Variants in SERINC5 observed in about 807,000 individuals in gnomAD.
SERINC5 encodes the protein chromosome 5 open reading frame 12.
In SERINC5, 41 loss-of-function variants were observed where a neutral mutation model predicts 63.1. The observed-to-expected ratio is 0.65, with a 90% CI of 0.51 to 0.84. The LOEUF (loss-of-function observed/expected upper bound fraction) is 0.84, where lower values mean the gene tolerates loss of function less well. SERINC5 is among the 40% of genes least tolerant of loss of function. SERINC5 has a pLI of 0.00. For missense variants in SERINC5, 523 were observed against 573.0 expected, an observed-to-expected ratio of 0.91 and a Z score of 0.89; for synonymous variants, 222 against 215.2, an observed-to-expected ratio of 1.03 and a Z score of -0.28.
At chr5:80,136,175 C>T (rs373549285), downstream of SERINC5, among the ~76,000 whole-genome samples, 435 of 152,128 alleles carry the variant, frequency 2.9e-3, 3 homozygotes, top group African/African-American at 9.6e-3. Flanking sequence ...CCCAAGCCCT[C>T]GGGAGGCTGG....
intron 1 of SERINC5, among the ~76,000 whole-genome samples, chr5:80,246,175 C>T (rs964717258): frequency 3.0e-4 from 46 of 152,154 alleles, no homozygotes; most frequent in Admixed American, 3.9e-4. Flanking sequence ...GAATCAAGAA[C>T]AAAAGACTGA....
At chr5:80,188,350 A>G (rs951032037) in intron 2 of SERINC5, among the ~76,000 whole-genome samples, 4 of 151,840 alleles carry the variant, frequency 2.6e-5, no homozygotes, top group Non-Finnish European at 2.9e-5. Context: ...CACTTATATA[A>G]GCAAAACAAT....
intron 1 of SERINC5, among the ~76,000 whole-genome samples, chr5:80,244,219 C>CT (rs1177734360): frequency 0.02 from 2,805 of 143,788 alleles, 76 homozygotes; most frequent in African/African-American, 0.064. Context: ...CCCCCAAGCA[C>CT]TTTTTTTTTT....
chr5:80,176,706 G>A (rs1748054059), intron 4 of SERINC5, among the ~76,000 whole-genome samples: 1 of 152,174 alleles, frequency 6.6e-6, no homozygotes, highest in African/African-American at 2.4e-5. Context: ...CAAAGTGCTA[G>A]GATTACAGGT....
At chr5:80,161,845 G>A (rs574921746) in intron 7 of SERINC5, among the ~76,000 whole-genome samples, 42 of 152,238 alleles carry the variant, frequency 2.8e-4, no homozygotes, top group African/African-American at 9.4e-4. Flanking sequence ...GGTCTTACAT[G>A]TAAGTCTTTA....
intron 2 of SERINC5, among the ~76,000 whole-genome samples, chr5:80,196,455 C>G (rs917243429): frequency 5.3e-5 from 8 of 152,260 alleles, no homozygotes; most frequent in African/African-American, 1.7e-4. Flanking sequence ...AATGATGTAG[C>G]AACTTTGGAA....
chr5:80,224,774 GCAC>G (rs1365587313), intron 1 of SERINC5, among the ~76,000 whole-genome samples: 1 of 149,754 alleles, frequency 6.7e-6, no homozygotes, highest in Non-Finnish European at 1.5e-5. Context: ...TTACAGGAAT[GCAC>G]CACCACGTCT....
At chr5:80,181,166 T>G (rs1748393540) in intron 2 of SERINC5, among the ~76,000 whole-genome samples, 1 of 152,182 alleles carries the variant, frequency 6.6e-6, no homozygotes, top group African/African-American at 2.4e-5. Flanking sequence ...TCTCCAGTCT[T>G]AAGTTTCCAT....
chr5:80,182,235 T>G (rs191983746), intron 2 of SERINC5, among the ~76,000 whole-genome samples: 1 of 152,172 alleles, frequency 6.6e-6, no homozygotes, highest in Non-Finnish European at 1.5e-5. Flanking sequence ...TTCGTGGACC[T>G]GGTTACCTCT....
At chr5:80,211,552 A>G (rs1294247596) in intron 1 of SERINC5, among the ~76,000 whole-genome samples, 1 of 152,212 alleles carries the variant, frequency 6.6e-6, no homozygotes, top group Non-Finnish European at 1.5e-5. Flanking sequence ...GTAACTTCTG[A>G]GCACTGGAAG....
chr5:80,239,590 A>T (rs1341339030), intron 1 of SERINC5, among the ~76,000 whole-genome samples: 2 of 151,910 alleles, frequency 1.3e-5, no homozygotes, highest in Non-Finnish European at 2.9e-5. Flanking sequence ...TAAAAAGGAA[A>T]CTGGATTCTT....
At chr5:80,214,734 TA>T (rs1750589779) in intron 1 of SERINC5, among the ~76,000 whole-genome samples, 1 of 152,090 alleles carries the variant, frequency 6.6e-6, no homozygotes, top group Admixed American at 6.5e-5. Flanking sequence ...CTGTCTCTAC[TA>T]AAAATACAAA....
chr5:80,184,112 C>T (rs565843320), intron 2 of SERINC5, among the ~76,000 whole-genome samples: 18 of 152,178 alleles, frequency 1.2e-4, no homozygotes, highest in African/African-American at 3.9e-4. Flanking sequence ...GTGCCAGTAA[C>T]GAGGAGGTAA....
At chr5:80,120,856 A>C (rs1744515190) in intron 11 of SERINC5, among the ~76,000 whole-genome samples, 1 of 152,160 alleles carries the variant, frequency 6.6e-6, no homozygotes, top group Non-Finnish European at 1.5e-5. Context: ...GAAATACCTG[A>C]GACTTTAATT....
chr5:80,209,059 C>T (rs185819058), intron 1 of SERINC5, among the ~76,000 whole-genome samples: 2 of 152,254 alleles, frequency 1.3e-5, no homozygotes, highest in Admixed American at 1.3e-4. Context: ...GCCAGGAGTT[C>T]GAGGCCAGCC....
At chr5:80,232,460 T>C (rs1013440559) in intron 1 of SERINC5, among the ~76,000 whole-genome samples, 12 of 145,890 alleles carry the variant, frequency 8.2e-5, no homozygotes, top group African/African-American at 2.8e-4. Context: ...AAGGAATGGG[T>C]TTCAGTAAAG....
At chr5:80,146,370 C>A in intron 10 of SERINC5, 136 bp from the exon 11 acceptor site, 2 of 967,978 alleles carry the variant, frequency 2.1e-6, no homozygotes, top group Non-Finnish European at 3.1e-6. Flanking sequence ...CTGGCAACTT[C>A]AATCTGTGCC....
intron 2 of SERINC5, among the ~76,000 whole-genome samples, chr5:80,183,510 G>T (rs1398653835): frequency 6.6e-6 from 1 of 152,138 alleles, no homozygotes; most frequent in Admixed American, 6.5e-5. Context: ...TATCCCCTGT[G>T]ACTTGCACGT....
intron 7 of SERINC5, among the ~76,000 whole-genome samples, chr5:80,160,197 TG>T (rs1302534585): frequency 1.3e-5 from 2 of 152,238 alleles, no homozygotes; most frequent in African/African-American, 4.8e-5. Flanking sequence ...TGATGTCCAC[TG>T]CCTGCTTGCT....
Sources: allele counts gnomAD v4.1 joint callset (sites outside exome capture counted in the v4.1 genomes callset), GRCh38; gene constraint gnomAD v4.1.1; transcripts MANE v1.5; gene names NCBI Gene and HGNC (gene_info 2026-07-23, HGNC 2026-07-21).